Variants in TMC1 observed in about 807,000 individuals in gnomAD.
TMC1 encodes the protein transmembrane channel-like protein 1.
Under a neutral mutation model 105.8 loss-of-function variants are expected in TMC1, and 84 were observed. The observed-to-expected ratio is 0.79, with a 90% confidence interval of 0.67 to 0.95. The LOEUF (loss-of-function observed/expected upper bound fraction) is 0.95, where lower values mean the gene tolerates loss of function less well. Ranked by LOEUF, TMC1 falls within the 40% of genes least tolerant of loss-of-function variation. The pLI is 0.00. For synonymous variants in TMC1, 315 were observed against 311.5 expected, an observed-to-expected ratio of 1.01 and a Z score of -0.12; for missense variants, 817 against 914.1, an observed-to-expected ratio of 0.89 and a Z score of 1.37.
intron 5 of TMC1, among the ~76,000 whole-genome samples, chr9:72,683,761 A>ATATATATATATATC (rs1826331878): frequency 7.8e-6 from 1 of 127,686 alleles, no homozygotes; most frequent in African/African-American, 2.8e-5. Flanking sequence ...ATATATATAT[A>ATATATATATATATC]TATATATATA....
intron 2 of TMC1, among the ~76,000 whole-genome samples, chr9:72,596,538 G>GTA (rs1554714334): frequency 3.2e-5 from 2 of 63,384 alleles, no homozygotes; most frequent in African/African-American, 1.6e-4. Context: ...AGTTTCAATT[G>GTA]TAAAAAAAAA....
intron 5 of TMC1, among the ~76,000 whole-genome samples, chr9:72,650,885 T>C (rs1310386578): frequency 7.1e-6 from 1 of 140,214 alleles, no homozygotes; most frequent in Non-Finnish European, 1.5e-5. Flanking sequence ...TATATATAGA[T>C]ATATAGATAT....
At chr9:72,719,344 G>A (rs1013852569) in intron 8 of TMC1, among the ~76,000 whole-genome samples, 2 of 152,104 alleles carry the variant, frequency 1.3e-5, no homozygotes, top group Non-Finnish European at 2.9e-5. Context: ...CTGGGGACCC[G>A]GAGAACCCAC....
intron 1 of TMC1, among the ~76,000 whole-genome samples, chr9:72,576,049 A>C (rs1191429857): frequency 6.6e-5 from 10 of 152,188 alleles, no homozygotes; most frequent in Admixed American, 6.5e-4. Flanking sequence ...TGCAGAAGTA[A>C]GGCAGGTTTC....
intron 1 of TMC1, among the ~76,000 whole-genome samples, chr9:72,530,171 T>C (rs1823474639): frequency 6.6e-6 from 1 of 152,036 alleles, no homozygotes. Context: ...GAGAGCTCCA[T>C]AGTTTCTTTC....
intron 1 of TMC1, among the ~76,000 whole-genome samples, chr9:72,539,238 A>C (rs1362855342): frequency 1.4e-5 from 2 of 143,438 alleles, no homozygotes; most frequent in Non-Finnish European, 1.5e-5. Flanking sequence ...CAAAAAAAAA[A>C]CAACAACAAA....
At chr9:72,651,148 C>G (rs959282912) in intron 5 of TMC1, 1 of 149,768 alleles carries the variant, frequency 6.7e-6, no homozygotes, top group African/African-American at 2.5e-5. Flanking sequence ...ATATATATCA[C>G]ATTTTCTTTA....
Position 72,691,026 on chromosome 9 carries a change from C to T in TMC1, c.64+2270C>T, listed in dbSNP as rs187179563. Among the ~76,000 whole-genome samples, 5 of 152,032 alleles carry T rather than the reference C, an allele frequency of 3.3e-5. No homozygotes were observed. In the South Asian group the frequency reaches 8.3e-4, roughly 25 times the overall value. On this transcript the variant is annotated intron_variant, in intron 6 of 23. Coordinates refer to ENST00000297784, the MANE Select transcript of TMC1 (RefSeq NM_138691.3). ...TTCTTATTCTTTTTATGGTTTTGCT[C>T]TTCTAACTATAATTTCAAACATCCT... is the stretch of plus-strand genomic sequence containing the variant.
At chr9:72,799,686 G>A (rs1053074938) in intron 17 of TMC1, among the ~76,000 whole-genome samples, 1 of 152,100 alleles carries the variant, frequency 6.6e-6, no homozygotes, top group Non-Finnish European at 1.5e-5. Context: ...TAAAATCAAA[G>A]TCATCTGCAC....
At chr9:72,578,304 G>GTGTGTGTA (rs1030116344) in intron 2 of TMC1, 3 of 137,810 alleles carry the variant, frequency 2.2e-5, no homozygotes, top group African/African-American at 8.2e-5. Flanking sequence ...GTGTGTGTGT[G>GTGTGTGTA]TATTTTCTGA....
At chr9:72,540,865 A>AT (rs1301756259) in intron 1 of TMC1, among the ~76,000 whole-genome samples, 2 of 152,224 alleles carry the variant, frequency 1.3e-5, no homozygotes, top group African/African-American at 2.4e-5. Flanking sequence ...TTTCTTATAC[A>AT]TAAAATGGAG....
intron 5 of TMC1, among the ~76,000 whole-genome samples, chr9:72,682,067 C>T (rs1826296578): frequency 6.6e-6 from 1 of 151,936 alleles, no homozygotes; most frequent in Non-Finnish European, 1.5e-5. Context: ...GTGAGTCCTA[C>T]CAAAAACCAA....
intron 12 of TMC1, among the ~76,000 whole-genome samples, chr9:72,759,243 A>C (rs910690716): frequency 7.2e-5 from 11 of 152,142 alleles, no homozygotes; most frequent in African/African-American, 2.4e-4. Context: ...ACCAGAGTGA[A>C]GAGGCATTGC....
Position 72,835,934 on chromosome 9 carries a change from T to TTTCTTTTTTGTGAACAGC in TMC1, c.2261-16_2261-15insTCTTTTTTGTGAACAGCT. 1 of 1,565,864 alleles carries TTTCTTTTTTGTGAACAGC rather than the reference T, an allele frequency of 6.4e-7. No individual in the cohort carries two copies. The highest frequency in any genetic ancestry group is 8.6e-7 in the Non-Finnish European group (1 of 1,162,676). The stretch of plus-strand genomic sequence containing the variant: ...CTCCTTGTTTTTTTTTTTTTTTTTT[T>TTTCTTTTTTGTGAACAGC]TCTGTTTTGTGAACAGCTGCAGCTG... On this transcript the variant is annotated splice_polypyrimidine_tract_variant and intron_variant, in intron 23 of 23. Transcript: ENST00000297784.
chr9:72,765,199 G>T (rs376496217), intron 12 of TMC1, among the ~76,000 whole-genome samples: 118 of 152,248 alleles, frequency 7.8e-4, no homozygotes, highest in African/African-American at 2.6e-3. Context: ...TTTCCTAGAA[G>T]AAGAAAGATA....
At chr9:72,826,722 T>G (rs1387469990) in intron 20 of TMC1, 147 bp from the exon 21 acceptor site, 1 of 797,578 alleles carries the variant, frequency 1.3e-6, no homozygotes, top group Non-Finnish European at 2.1e-6. Context: ...GAGGTCAAAG[T>G]GTCAGCAAGT....
Position 72,788,345 on chromosome 9 carries a change from C to G in TMC1, c.891C>G (p.Thr297=), listed in dbSNP as rs1828204480. Residue 297 remains threonine, a synonymous_variant, in exon 14 of 24, where the codon ACC becomes ACG. Coordinates refer to ENST00000297784, the MANE Select transcript of TMC1 (RefSeq NM_138691.3). ...YSFLVVLKAM[T]KNIGDDGGGD... is the part of the protein sequence containing the mutation. ...AAACTTCCTGTTTTTGCAGAATGAC[C>G]AAAAACATTGGTGATGATGGAGGTG... is the stretch of plus-strand genomic sequence containing the variant. The G allele has an allele frequency of 6.2e-7, 1 of 1,613,858 alleles. No individual in the cohort carries two copies. Among genetic ancestry groups the G allele is most frequent in the Non-Finnish European group, 8.5e-7 (1 of 1,179,876 alleles).
chr9:72,683,185 C>G (rs1765935799), intron 5 of TMC1, among the ~76,000 whole-genome samples: 1 of 152,146 alleles, frequency 6.6e-6, no homozygotes. Context: ...GTGACTCAGT[C>G]TAGCATCCAA....
At chr9:72,830,794 G>A in intron 23 of TMC1, 112 bp downstream of exon 23, 1 of 901,728 alleles carries the variant, frequency 1.1e-6, no homozygotes, top group Non-Finnish European at 1.7e-6. Context: ...TTATTGCTGT[G>A]AGCGAGTCAT....
Sources: allele counts gnomAD v4.1 joint callset (sites outside exome capture counted in the v4.1 genomes callset), GRCh38; gene constraint gnomAD v4.1.1; transcripts MANE v1.5; gene names NCBI Gene and HGNC (gene_info 2026-07-23, HGNC 2026-07-21).